SLC25A21: variants seen among roughly 807,000 people sequenced by gnomAD.
SLC25A21 encodes mitochondrial 2-oxodicarboxylate carrier.
SLC25A21 carries 47 observed loss-of-function variants against 43.8 expected under a neutral mutation model. The ratio of observed to expected loss-of-function variants is 1.07; its 90% CI spans 0.85 to 1.37. The LOEUF (loss-of-function observed/expected upper bound fraction) is 1.37, where lower values mean the gene tolerates loss of function less well. Among genes scored for constraint, SLC25A21 ranks in the 40% most tolerant of loss-of-function variants. The probability of loss-of-function intolerance (pLI) is 0.00; values close to 1 mark genes in which losing one functional copy is unlikely to be tolerated. For missense variants in SLC25A21, 352 were observed against 350.2 expected (o/e 1.00, Z -0.04); for synonymous variants, 131 against 121.3 (o/e 1.08, Z -0.52).
chr14:36,749,918 T>C (rs1385674297), intron 3 of SLC25A21, among the ~76,000 whole-genome samples: 1 of 152,240 alleles, frequency 6.6e-6, no homozygotes, highest in Non-Finnish European at 1.5e-5. Context: ...TGGAACATGC[T>C]TTATGATTTA....
At chr14:37,119,737 GA>G (rs1190667382) in intron 1 of SLC25A21, among the ~76,000 whole-genome samples, 1 of 152,120 alleles carries the variant, frequency 6.6e-6, no homozygotes, top group African/African-American at 2.4e-5. Flanking sequence ...TGAGGTCCAA[GA>G]ACCGTCTCTT....
rs556512532 is a variant in SLC25A21, at chr14:37,010,710, G to C, written c.71-135706C>G. 1.6e-3 allele frequency among the ~76,000 whole-genome samples: 240 copies of C among 152,218 alleles called. 1 individual carries two copies. The highest frequency in any genetic ancestry group is 5.2e-3 in the African/African-American group (216 of 41,530). The stretch of plus-strand genomic sequence containing the variant: ...GTTTAAATGTATATTTAACAGTTTT[G>C]AATGCATATAAATCCTAAATTCTTT... On this transcript the variant is annotated intron_variant, in intron 1 of 9. Coordinates refer to ENST00000331299, the MANE Select transcript of SLC25A21 (RefSeq NM_030631.4).
At chr14:36,736,903 C>A in intron 3 of SLC25A21, among the ~76,000 whole-genome samples, 1 of 152,074 alleles carries the variant, frequency 6.6e-6, no homozygotes, top group East Asian at 1.9e-4. Context: ...ATTTTTGGCC[C>A]AGGTGGAGCT....
chr14:37,164,738 C>T (rs940381326), intron 1 of SLC25A21, among the ~76,000 whole-genome samples: 33 of 152,162 alleles, frequency 2.2e-4, no homozygotes, highest in African/African-American at 7.7e-4. Flanking sequence ...TGAAAACATC[C>T]TATATCTTTT....
At chr14:36,884,306 T>A (rs938841482) in intron 1 of SLC25A21, among the ~76,000 whole-genome samples, 2 of 152,212 alleles carry the variant, frequency 1.3e-5, no homozygotes, top group African/African-American at 4.8e-5. Flanking sequence ...GTATCACAAA[T>A]GACAGGATTT....
chr14:37,129,609 A>G (rs1963358448), intron 1 of SLC25A21, among the ~76,000 whole-genome samples: 1 of 151,976 alleles, frequency 6.6e-6, no homozygotes, highest in Non-Finnish European at 1.5e-5. Context: ...CGCAGGTCCA[A>G]TATTCTCTCA....
intron 1 of SLC25A21, among the ~76,000 whole-genome samples, chr14:37,170,532 A>G (rs749120806): frequency 3.3e-5 from 5 of 152,148 alleles, no homozygotes; most frequent in African/African-American, 7.2e-5. Context: ...CAGGTACAGA[A>G]GACAGAACCT....
intron 1 of SLC25A21, among the ~76,000 whole-genome samples, chr14:36,910,607 T>C (rs181005409): frequency 6.6e-6 from 1 of 152,306 alleles, no homozygotes; most frequent in African/African-American, 2.4e-5. Flanking sequence ...AATGAAGAAA[T>C]AACTTTGAGG....
chr14:37,038,736 G>A (rs1051030777), intron 1 of SLC25A21, among the ~76,000 whole-genome samples: 2 of 152,114 alleles, frequency 1.3e-5, no homozygotes, highest in African/African-American at 4.8e-5. Flanking sequence ...GACTAAATCT[G>A]CTTTAGTTGT....
intron 3 of SLC25A21, among the ~76,000 whole-genome samples, chr14:36,745,056 A>C (rs1208544566): frequency 1.6e-5 from 2 of 128,386 alleles, no homozygotes; most frequent in Non-Finnish European, 3.1e-5. Flanking sequence ...ATGTGTTCTC[A>C]TTGTTCAACT....
chr14:37,091,915 G>T (rs2138851839), intron 1 of SLC25A21, among the ~76,000 whole-genome samples: 1 of 152,194 alleles, frequency 6.6e-6, no homozygotes, highest in Non-Finnish European at 1.5e-5. Context: ...ATCATTTGTG[G>T]TCAGGAGTTT....
chr14:37,171,182 A>G (rs1165464761), intron 1 of SLC25A21, among the ~76,000 whole-genome samples: 1 of 151,578 alleles, frequency 6.6e-6, no homozygotes, highest in African/African-American at 2.4e-5. Context: ...TCCTGTAAGC[A>G]ATGAATGGCT....
intron 3 of SLC25A21, among the ~76,000 whole-genome samples, chr14:36,782,373 T>C (rs944666304): frequency 1.4e-4 from 21 of 152,302 alleles, no homozygotes; most frequent in Admixed American, 7.2e-4. Context: ...TGCATATTAT[T>C]TCTCTTGATG....
intron 3 of SLC25A21, chr14:36,759,705 G>C (rs1242204212): frequency 1.3e-5 from 2 of 152,238 alleles, no homozygotes; most frequent in Non-Finnish European, 2.9e-5. Flanking sequence ...GACTCAAGCA[G>C]TTATAGCTCA....
intron 9 of SLC25A21, among the ~76,000 whole-genome samples, chr14:36,681,791 A>G (rs1882276927): frequency 6.6e-6 from 1 of 152,116 alleles, no homozygotes; most frequent in African/African-American, 2.4e-5. Flanking sequence ...ACCAAAGATA[A>G]TTATCTGCCT....
chr14:36,727,477 C>G (rs1884648773), intron 5 of SLC25A21, among the ~76,000 whole-genome samples: 1 of 152,146 alleles, frequency 6.6e-6, no homozygotes, highest in Non-Finnish European at 1.5e-5. Flanking sequence ...GACCTGAGGT[C>G]AGAAGTTCAA....
At chr14:36,832,391 A>T (rs904164890) in intron 2 of SLC25A21, among the ~76,000 whole-genome samples, 3 of 152,244 alleles carry the variant, frequency 2.0e-5, no homozygotes, top group Non-Finnish European at 4.4e-5. Context: ...TTTGGGTCGT[A>T]TGGATCATGG....
chr14:36,933,717 C>A (rs999265245), intron 1 of SLC25A21, among the ~76,000 whole-genome samples: 2 of 152,174 alleles, frequency 1.3e-5, no homozygotes, highest in African/African-American at 4.8e-5. Context: ...CCAGCCCCCT[C>A]CTCCAGCCCC....
intron 3 of SLC25A21, among the ~76,000 whole-genome samples, chr14:36,796,028 A>G (rs2138410576): frequency 6.6e-6 from 1 of 152,310 alleles, no homozygotes; most frequent in Non-Finnish European, 1.5e-5. Flanking sequence ...AAGGACAACC[A>G]TGGTGTCTGA....
Sources: allele counts gnomAD v4.1 joint callset (sites outside exome capture counted in the v4.1 genomes callset), GRCh38; gene constraint gnomAD v4.1.1; transcripts MANE v1.5; gene names NCBI Gene and HGNC (gene_info 2026-07-23, HGNC 2026-07-21).